Variants in ZFAND3 observed in about 807,000 individuals in gnomAD.
ZFAND3 encodes zinc finger AN1-type containing 3, also known as AN1-type zinc finger protein 3.
In ZFAND3, 10 loss-of-function variants were observed where a neutral mutation model predicts 29.6. That is an observed-to-expected ratio of 0.34 (90% confidence interval 0.21 to 0.57). The LOEUF is 0.57. ZFAND3 is among the 20% of genes least tolerant of loss of function. The pLI is 0.86. For synonymous variants in ZFAND3, 128 were observed against 112.6 expected, an observed-to-expected ratio of 1.14 and a Z score of -0.87; for missense variants, 230 against 304.5, an observed-to-expected ratio of 0.76 and a Z score of 1.82.
chr6:37,835,645 C>T (rs915172598), intron 1 of ZFAND3, among the ~76,000 whole-genome samples: 2 of 152,090 alleles, frequency 1.3e-5, no homozygotes, highest in Non-Finnish European at 1.5e-5. Flanking sequence ...ATGTCTCCCT[C>T]CTAGTTTTAG....
At chr6:37,976,371 C>T (rs1166940765) in intron 2 of ZFAND3, among the ~76,000 whole-genome samples, 1 of 151,976 alleles carries the variant, frequency 6.6e-6, no homozygotes, top group Non-Finnish European at 1.5e-5. Context: ...CAGTTGAGGT[C>T]AGGAGTTTGA....
At chr6:37,904,262 C>G (rs1765370494) in intron 1 of ZFAND3, among the ~76,000 whole-genome samples, 1 of 152,126 alleles carries the variant, frequency 6.6e-6, no homozygotes, top group Non-Finnish European at 1.5e-5. Context: ...ATCATATCAC[C>G]TTTGACATGC....
Position 37,977,671 on chromosome 6 carries a change from C to G in ZFAND3, c.112+47672C>G, listed in dbSNP as rs545492222. ...TCTGTTGCTGATCTAAGAGGGCAAG[C>G]TTTCAGTCTTTCACCAGTAAGTATG... On this transcript the variant is annotated intron_variant, in intron 2 of 5. Transcript: ENST00000287218. Among the ~76,000 whole-genome samples, 8 of 151,800 alleles carry G rather than the reference C, an allele frequency of 5.3e-5. No homozygotes were observed. In the East Asian group the frequency reaches 1.4e-3, roughly 26 times the overall value.
At chr6:38,082,784 G>A (rs1350232914) in intron 4 of ZFAND3, among the ~76,000 whole-genome samples, 1 of 152,178 alleles carries the variant, frequency 6.6e-6, no homozygotes, top group African/African-American at 2.4e-5. Flanking sequence ...TGAGGGCCAA[G>A]ATTGAAATTT....
rs58666227 is a variant in ZFAND3 at position 37,896,514 on chromosome 6, TTTTCTTTCTTTCTTTCTTTC to T, written c.72-33407_72-33388del. 5.7e-3 allele frequency among the ~76,000 whole-genome samples: 626 copies of T among 109,168 alleles called. 8 individuals carry two copies. The highest frequency in any genetic ancestry group is 0.021 in the African/African-American group (565 of 27,174). The allele number at this position is 109,168 out of a possible 152,430, so 71.6% of individuals were successfully genotyped here. On this transcript the variant is annotated intron_variant, in intron 1 of 5. Transcript: ENST00000287218. ...GGTGTCTTAATTTTTTTCCTCTTTC[TTTTCTTTCTTTCTTTCTTTC>T]TTTCTTTCTTTCTTTCTTTCTTTCT...
chr6:38,023,389 GT>G (rs1234784544), intron 2 of ZFAND3, among the ~76,000 whole-genome samples: 1 of 152,014 alleles, frequency 6.6e-6, no homozygotes, highest in East Asian at 1.9e-4. Flanking sequence ...CAACATGGAA[GT>G]TTTATATTTT....
chr6:38,045,054 T>TTTTATTTATTTATTTATTTA (rs3047087), intron 2 of ZFAND3, among the ~76,000 whole-genome samples: 93 of 134,780 alleles, frequency 6.9e-4, no homozygotes, highest in Non-Finnish European at 8.1e-4. Flanking sequence ...GTGGAAATTC[T>TTTTATTTATTTATTTATTTA]TTTATTTATT....
intron 3 of ZFAND3, among the ~76,000 whole-genome samples, chr6:38,080,610 C>T (rs761309126): frequency 2.6e-5 from 4 of 152,090 alleles, no homozygotes; most frequent in Non-Finnish European, 4.4e-5. Context: ...GATCACTTAT[C>T]CAAGATTACT....
intron 2 of ZFAND3, among the ~76,000 whole-genome samples, chr6:38,032,757 C>T (rs1044809270): frequency 6.6e-6 from 1 of 152,158 alleles, no homozygotes; most frequent in Admixed American, 6.5e-5. Flanking sequence ...GAAGTTGTGC[C>T]TGCACAGTAG....
At chr6:38,075,293 T>G (rs537886863) in intron 3 of ZFAND3, among the ~76,000 whole-genome samples, 1 of 152,282 alleles carries the variant, frequency 6.6e-6, no homozygotes, top group South Asian at 2.1e-4. Context: ...CATTTGTGAT[T>G]CATGGGAGAA....
At chr6:38,004,467 T>C (rs1012747394) in intron 2 of ZFAND3, among the ~76,000 whole-genome samples, 1 of 137,584 alleles carries the variant, frequency 7.3e-6, no homozygotes. Flanking sequence ...CCTCTCCCCC[T>C]CTCCATCCCT....
chr6:37,851,279 G>T (rs181022581), intron 1 of ZFAND3, among the ~76,000 whole-genome samples: 88 of 151,668 alleles, frequency 5.8e-4, no homozygotes, highest in Admixed American at 7.9e-4. Flanking sequence ...GAGTCACCAC[G>T]CCCAGCCATT....
intron 5 of ZFAND3, among the ~76,000 whole-genome samples, chr6:38,123,412 G>C (rs1581937497): frequency 6.6e-6 from 1 of 152,120 alleles, no homozygotes; most frequent in African/African-American, 2.4e-5. Context: ...GGAACATTTG[G>C]CATTCTGTCT....
chr6:37,946,780 C>CA, intron 2 of ZFAND3, among the ~76,000 whole-genome samples: 1 of 152,076 alleles, frequency 6.6e-6, no homozygotes, highest in East Asian at 1.9e-4. Flanking sequence ...AAGCCAGTCA[C>CA]AAAAAGAACA....
At chr6:38,144,204 T>TATATATA (rs1164233865) in intron 5 of ZFAND3, among the ~76,000 whole-genome samples, 6 of 47,030 alleles carry the variant, frequency 1.3e-4, no homozygotes, top group Admixed American at 5.2e-4. Flanking sequence ...TATATATATA[T>TATATATA]ATATATAATA....
At chr6:37,835,345 C>T (rs1053629183) in intron 1 of ZFAND3, among the ~76,000 whole-genome samples, 2 of 151,886 alleles carry the variant, frequency 1.3e-5, no homozygotes, top group Admixed American at 1.3e-4. Context: ...TTTGTAGAGA[C>T]AGGGTTTCAC....
chr6:37,927,200 T>G (rs1424990637), intron 1 of ZFAND3, among the ~76,000 whole-genome samples: 1 of 152,242 alleles, frequency 6.6e-6, no homozygotes, highest in East Asian at 1.9e-4. Context: ...CAAGGGACTC[T>G]GAGAAAAAGG....
intron 4 of ZFAND3, among the ~76,000 whole-genome samples, chr6:38,102,819 C>T (rs567359823): frequency 2.0e-5 from 3 of 152,242 alleles, no homozygotes; most frequent in East Asian, 3.9e-4. Flanking sequence ...TGCAGTGGCG[C>T]GATCTCGGCT....
At chr6:38,015,697 G>C (rs979830861) in intron 2 of ZFAND3, among the ~76,000 whole-genome samples, 2 of 152,086 alleles carry the variant, frequency 1.3e-5, no homozygotes, top group African/African-American at 4.8e-5. Flanking sequence ...TATAAAGTTG[G>C]GCAACTTGCA....
Sources: gnomAD v4.1 joint callset for allele counts (sites outside exome capture counted in the v4.1 genomes callset) on GRCh38, gnomAD v4.1.1 for gene constraint, MANE v1.5 for transcripts, NCBI Gene and HGNC (gene_info 2026-07-23, HGNC 2026-07-21) for gene names.